The following HIVEP2 variants were observed in gnomAD, a reference collection of about 807,000 sequenced individuals.
HIVEP2 encodes HIVEP zinc finger 2, also known as transcription factor HIVEP2.
Under a neutral mutation model 180.7 loss-of-function variants are expected in HIVEP2, and 14 were observed. The observed-to-expected ratio is 0.08, with a 90% confidence interval of 0.05 to 0.12. HIVEP2 has a LOEUF of 0.12. Ranked by LOEUF, HIVEP2 falls within the 10% of genes least tolerant of loss-of-function variation. HIVEP2 has a pLI of 1.00. For synonymous variants in HIVEP2, 1,184 were observed against 1,136.4 expected, an observed-to-expected ratio of 1.04 and a Z score of -0.84; for missense variants, 2,579 against 3,008.5, an observed-to-expected ratio of 0.86 and a Z score of 3.34.
At chr6:142,936,233 G>A (rs900828775) in intron 1 of HIVEP2, among the ~76,000 whole-genome samples, 67 of 151,588 alleles carry the variant, frequency 4.4e-4, no homozygotes, top group Middle Eastern at 3.4e-3. Context: ...CACTCTGTCA[G>A]ACAGGCTGGA....
intron 1 of HIVEP2, among the ~76,000 whole-genome samples, chr6:142,886,995 A>G (rs1179473028): frequency 6.6e-6 from 1 of 152,170 alleles, no homozygotes; most frequent in East Asian, 1.9e-4. Flanking sequence ...CATATGTGTC[A>G]ACAGTATGTG....
chr6:142,882,717 C>G (rs1776603001), intron 1 of HIVEP2, among the ~76,000 whole-genome samples: 1 of 152,044 alleles, frequency 6.6e-6, no homozygotes. Context: ...ATTGTTCTGA[C>G]AGTGTCAATT....
intron 2 of HIVEP2, among the ~76,000 whole-genome samples, chr6:142,800,326 T>C (rs1776373861): frequency 1.3e-5 from 2 of 152,180 alleles, no homozygotes; most frequent in African/African-American, 2.4e-5. Flanking sequence ...CTGCCTCTAG[T>C]ATGCAAAGTG....
chr6:142,777,676 A>G (rs1388787450), intron 3 of HIVEP2, among the ~76,000 whole-genome samples: 1 of 145,836 alleles, frequency 6.9e-6, no homozygotes, highest in Admixed American at 6.9e-5. Flanking sequence ...AAAAAAAAAA[A>G]AAAAAAAAAA....
chr6:142,760,843 T>C (rs1468988242), intron 8 of HIVEP2, among the ~76,000 whole-genome samples, 176 bp from the exon 9 acceptor site: 1 of 152,230 alleles, frequency 6.6e-6, no homozygotes, highest in African/African-American at 2.4e-5. Flanking sequence ...GTTCATTCTA[T>C]CTTCTTGTAT....
At chr6:142,848,057 G>A (rs1188146747) in intron 1 of HIVEP2, among the ~76,000 whole-genome samples, 1 of 152,086 alleles carries the variant, frequency 6.6e-6, no homozygotes, top group Admixed American at 6.6e-5. Flanking sequence ...CATTAACAAC[G>A]GATTATCCCA....
intron 1 of HIVEP2, among the ~76,000 whole-genome samples, chr6:142,919,742 A>G (rs1777643649): frequency 6.6e-6 from 1 of 152,210 alleles, no homozygotes; most frequent in Admixed American, 6.5e-5. Context: ...ATTTTAAAAT[A>G]CTGATAAGTT....
rs534059733 is a variant in HIVEP2 at position 142,778,764 on chromosome 6, T to C, written c.-432-2573A>G. Among the ~76,000 whole-genome samples the C allele has an allele frequency of 6.8e-4, 103 of 152,294 alleles. 1 individual carries two copies. The highest frequency in any genetic ancestry group is 2.3e-3 in the African/African-American group (96 of 41,564). On this transcript the variant is annotated intron_variant, in intron 3 of 9. Transcript: ENST00000367603. ...AATCAAAATTCAGATCTAAATTTGG[T>C]GACTTCTAAGTCTGGGAGGACTCAC...
In HIVEP2 at chr6:142,770,870, G is replaced by A. The variant is rs370583834; in HGVS notation, c.3869C>T (p.Pro1290Leu). 6.2e-7 allele frequency: 1 copy of A among 1,614,088 alleles called. No homozygotes were observed. The change falls in exon 5 of 10, where the codon CCA becomes CTA. Residue 1290 changes from proline to leucine, a missense_variant. This residue lies in a region of HIVEP2 where 523 missense variants were observed against 577.0 expected (regional missense o/e 0.91). Coordinates refer to ENST00000367603, the MANE Select transcript of HIVEP2 (RefSeq NM_006734.4). The surrounding 1 kb of genome is among the most constrained non-coding windows in gnomAD (Gnocchi z 4.7). Reference protein sequence around the residue: ...PCYSGASGLHPKNLLPKFPSD... With the variant: ...PCYSGASGLHLKNLLPKFPSD... Reference sequence around the variant, plus strand: ...TGGAAACTTTGGAAGAAGGTTCTTTGGGTGTAGCCCTGATGCTCCTGAATA... The same window carrying A: ...TGGAAACTTTGGAAGAAGGTTCTTTAGGTGTAGCCCTGATGCTCCTGAATA...
At chr6:142,932,699 C>T (rs1184871522) in intron 1 of HIVEP2, among the ~76,000 whole-genome samples, 1 of 152,176 alleles carries the variant, frequency 6.6e-6, no homozygotes, top group Non-Finnish European at 1.5e-5. Flanking sequence ...GGAGAGGGCT[C>T]AACTGCTGGT....
intron 2 of HIVEP2, among the ~76,000 whole-genome samples, chr6:142,806,146 T>C (rs1168704709): frequency 1.3e-5 from 2 of 152,312 alleles, no homozygotes; most frequent in East Asian, 1.9e-4. Flanking sequence ...CTTAGTCTTA[T>C]TCACTGTCAG....
intron 2 of HIVEP2, among the ~76,000 whole-genome samples, chr6:142,827,017 T>C (rs1459969147): frequency 6.6e-6 from 1 of 152,226 alleles, no homozygotes; most frequent in Non-Finnish European, 1.5e-5. Flanking sequence ...TCACTCTCCA[T>C]ACTCATGTAC....
intron 1 of HIVEP2, among the ~76,000 whole-genome samples, chr6:142,846,943 G>A (rs1396253775): frequency 6.6e-6 from 1 of 152,148 alleles, no homozygotes; most frequent in Non-Finnish European, 1.5e-5. Flanking sequence ...ACAGAAATAT[G>A]GTGCACTTCT....
At chr6:142,856,830 C>T (rs1165869009) in intron 1 of HIVEP2, among the ~76,000 whole-genome samples, 2 of 152,178 alleles carry the variant, frequency 1.3e-5, no homozygotes, top group Admixed American at 6.5e-5. Flanking sequence ...AGGGGCTCCC[C>T]AAAGACACTG....
intron 1 of HIVEP2, among the ~76,000 whole-genome samples, chr6:142,931,600 T>TA (rs547457202): frequency 5.4e-4 from 82 of 152,262 alleles, no homozygotes; most frequent in Non-Finnish European, 1.0e-3. Context: ...GCTGGCTTTC[T>TA]AGGACACAGA....
At chr6:142,839,213 A>G (rs1264579101) in intron 1 of HIVEP2, among the ~76,000 whole-genome samples, 1 of 152,186 alleles carries the variant, frequency 6.6e-6, no homozygotes, top group Non-Finnish European at 1.5e-5. Flanking sequence ...CCTTAAAAAT[A>G]ACCACATATA....
At chr6:142,826,860 G>A (rs545580198) in intron 2 of HIVEP2, among the ~76,000 whole-genome samples, 1 of 152,294 alleles carries the variant, frequency 6.6e-6, no homozygotes, top group East Asian at 1.9e-4. Context: ...TAAGAAGGAT[G>A]TATTTTATCT....
chr6:142,878,050 T>A (rs1776487349), intron 1 of HIVEP2, among the ~76,000 whole-genome samples: 1 of 152,182 alleles, frequency 6.6e-6, no homozygotes, highest in South Asian at 2.1e-4. Flanking sequence ...ATTTAACTAA[T>A]CCTCATGAAC....
intron 1 of HIVEP2, among the ~76,000 whole-genome samples, chr6:142,929,803 A>G (rs1777898917): frequency 6.6e-6 from 1 of 152,228 alleles, no homozygotes; most frequent in South Asian, 2.1e-4. Flanking sequence ...AGTTGTTACC[A>G]TAATGTTTGG....
Sources: gnomAD v4.1 joint callset for allele counts (sites outside exome capture counted in the v4.1 genomes callset) on GRCh38, gnomAD v4.1.1 for gene constraint, gnomAD v4.1.1 regional missense constraint, Gnocchi (gnomAD v3.1) non-coding constraint, MANE v1.5 for transcripts, NCBI Gene and HGNC (gene_info 2026-07-23, HGNC 2026-07-21) for gene names.